The following FBXL17 variants were observed in gnomAD, a reference collection of about 807,000 sequenced individuals.
The protein encoded by FBXL17 is F-box and leucine rich repeat protein 17.
In FBXL17, 22 loss-of-function variants were observed where a neutral mutation model predicts 66.2. The observed-to-expected ratio is 0.33, with a 90% CI of 0.24 to 0.47. The LOEUF is 0.47. FBXL17 is among the 20% of genes least tolerant of loss of function. The probability of loss-of-function intolerance (pLI) is 1.00; values close to 1 mark genes in which losing one functional copy is unlikely to be tolerated. For synonymous variants in FBXL17, 474 were observed against 400.5 expected (o/e 1.18, Z -2.19); for missense variants, 878 against 948.2 (o/e 0.93, Z 0.97).
intron 6 of FBXL17, among the ~76,000 whole-genome samples, chr5:108,115,461 T>C (rs1750211972): frequency 6.6e-6 from 1 of 152,140 alleles, no homozygotes; most frequent in Admixed American, 6.6e-5. Context: ...TAACTGTTTC[T>C]ATGTAAATCT....
At chr5:107,968,822 A>C (rs17165768) in intron 7 of FBXL17, among the ~76,000 whole-genome samples, 46,008 of 151,966 alleles carry the variant, frequency 0.3, 7,300 homozygotes, top group African/African-American at 0.39. Flanking sequence ...AATTCTGATA[A>C]GCTAGTTTTT....
intron 7 of FBXL17, among the ~76,000 whole-genome samples, chr5:107,989,065 T>C (rs1222108000): frequency 6.6e-6 from 1 of 152,074 alleles, no homozygotes; most frequent in Non-Finnish European, 1.5e-5. Flanking sequence ...GATACATACA[T>C]ACAATGTGTA....
chr5:108,296,567 G>T (rs573412821), intron 4 of FBXL17, among the ~76,000 whole-genome samples: 6 of 151,718 alleles, frequency 4.0e-5, no homozygotes, highest in Admixed American at 3.9e-4. Flanking sequence ...AATGTATGAG[G>T]GTTAAGACTT....
At chr5:108,129,878 G>T (rs557983107) in intron 6 of FBXL17, among the ~76,000 whole-genome samples, 2 of 151,894 alleles carry the variant, frequency 1.3e-5, no homozygotes, top group African/African-American at 4.8e-5. Context: ...GGCTGCTGCA[G>T]TTCTTTTTTT....
intron 6 of FBXL17, among the ~76,000 whole-genome samples, chr5:108,109,188 T>C (rs1251581932): frequency 6.6e-6 from 1 of 152,134 alleles, no homozygotes; most frequent in African/African-American, 2.4e-5. Flanking sequence ...AGAGAACTGA[T>C]GAGGGTCAGG....
At chr5:107,879,466 T>C in intron 8 of FBXL17, 1 of 985,466 alleles carries the variant, frequency 1.0e-6, no homozygotes, top group Non-Finnish European at 1.2e-6. Flanking sequence ...CGGATCTCAG[T>C]GCTGTTGCTT....
At chr5:108,264,732 T>G (rs1756977724) in intron 4 of FBXL17, among the ~76,000 whole-genome samples, 1 of 152,118 alleles carries the variant, frequency 6.6e-6, no homozygotes, top group Non-Finnish European at 1.5e-5. Context: ...TCTTAAGCCT[T>G]GCCAGCTTTA....
intron 7 of FBXL17, among the ~76,000 whole-genome samples, chr5:107,946,965 G>C (rs976618068): frequency 6.6e-6 from 1 of 151,876 alleles, no homozygotes; most frequent in Non-Finnish European, 1.5e-5. Flanking sequence ...TTCAAACCAT[G>C]TAAAGGTATT....
rs534248207 is a variant in FBXL17, at chr5:108,211,612, T to A, written c.1614+12509A>T. 3.6e-3 allele frequency among the ~76,000 whole-genome samples: 546 copies of A among 152,370 alleles called. 4 individuals carry two copies. Among genetic ancestry groups the A allele is most frequent in the African/African-American group, 0.013 (529 of 41,586 alleles). On this transcript the variant is annotated intron_variant, in intron 5 of 8. Coordinates refer to ENST00000542267, the MANE Select transcript of FBXL17 (RefSeq NM_001163315.3). ...CTTAGTTTGGCTGGATATGAAATTC[T>A]GGGTTGAAAATTCTTTTCTTTAAGA...
intron 6 of FBXL17, among the ~76,000 whole-genome samples, chr5:108,071,616 C>T (rs749942102): frequency 9.2e-6 from 1 of 109,090 alleles, no homozygotes; most frequent in Non-Finnish European, 2.0e-5. Context: ...TTCTCTCTTT[C>T]TCTTTCTTTT....
chr5:108,094,113 T>A (rs1749284141), intron 6 of FBXL17, among the ~76,000 whole-genome samples: 1 of 152,156 alleles, frequency 6.6e-6, no homozygotes, highest in Admixed American at 6.5e-5. Flanking sequence ...GCTCTTAAAC[T>A]TTAAATGGTT....
chr5:108,105,554 G>C (rs1749762975), intron 6 of FBXL17, among the ~76,000 whole-genome samples: 1 of 152,022 alleles, frequency 6.6e-6, no homozygotes, highest in Non-Finnish European at 1.5e-5. Flanking sequence ...CAAGTTATAA[G>C]AATAAATAAG....
chr5:108,302,826 T>C (rs755639248), intron 4 of FBXL17, among the ~76,000 whole-genome samples: 1 of 151,762 alleles, frequency 6.6e-6, no homozygotes, highest in Non-Finnish European at 1.5e-5. Flanking sequence ...AAATCAGTAA[T>C]AATTCATAGT....
At chr5:108,140,763 A>T (rs919611796) in intron 6 of FBXL17, among the ~76,000 whole-genome samples, 14 of 152,126 alleles carry the variant, frequency 9.2e-5, no homozygotes, top group Non-Finnish European at 1.9e-4. Context: ...ATATCCCCCA[A>T]AATTCGAGAT....
intron 4 of FBXL17, among the ~76,000 whole-genome samples, chr5:108,283,434 C>T (rs1757777224): frequency 6.6e-6 from 1 of 151,540 alleles, no homozygotes. Context: ...TTGACAAGAA[C>T]AAACACTGGC....
intron 6 of FBXL17, among the ~76,000 whole-genome samples, chr5:108,079,292 G>A (rs1370504586): frequency 6.6e-6 from 1 of 151,918 alleles, no homozygotes; most frequent in East Asian, 1.9e-4. Flanking sequence ...AACTTTTACT[G>A]AGTATCTAGA....
chr5:108,022,421 T>C (rs551677581), intron 6 of FBXL17, among the ~76,000 whole-genome samples: 5 of 152,084 alleles, frequency 3.3e-5, no homozygotes, highest in South Asian at 2.1e-4. Context: ...TTTTATATGG[T>C]AAAAACTATT....
At chr5:107,939,830 T>G (rs936786287) in intron 7 of FBXL17, among the ~76,000 whole-genome samples, 5 of 152,130 alleles carry the variant, frequency 3.3e-5, no homozygotes, top group Admixed American at 6.6e-5. Context: ...ATGAAGGCCC[T>G]GGAAGAGAAG....
chr5:108,084,976 A>C (rs980609186), intron 6 of FBXL17, among the ~76,000 whole-genome samples: 2 of 152,240 alleles, frequency 1.3e-5, no homozygotes, highest in African/African-American at 2.4e-5. Flanking sequence ...CCCAAAAGAA[A>C]GCTTTCAATG....
Sources: allele counts gnomAD v4.1 joint callset (sites outside exome capture counted in the v4.1 genomes callset), GRCh38; gene constraint gnomAD v4.1.1; transcripts MANE v1.5; gene names NCBI Gene and HGNC (gene_info 2026-07-23, HGNC 2026-07-21).